DCDC1: variants seen among roughly 807,000 people sequenced by gnomAD.
DCDC1 encodes doublecortin domain-containing protein 1.
In DCDC1, 200 loss-of-function variants were observed where a neutral mutation model predicts 178.3. The ratio of observed to expected loss-of-function variants is 1.12; its 90% CI spans 1.00 to 1.26. The LOEUF is 1.26. Ranked by LOEUF, DCDC1 falls within the 50% of genes most tolerant of loss-of-function variation. The pLI, the probability that DCDC1 is intolerant of heterozygous loss-of-function variation, is 0.00. For missense variants in DCDC1, 1,983 were observed against 1,749.2 expected (o/e 1.13, Z -2.38); for synonymous variants, 690 against 604.8 (o/e 1.14, Z -2.07).
At chr11:31,070,924 T>C (rs147286731) in intron 18 of DCDC1, among the ~76,000 whole-genome samples, 27 of 152,312 alleles carry the variant, frequency 1.8e-4, no homozygotes, top group African/African-American at 6.0e-4. Context: ...AAACTCCAGA[T>C]ACTCTACCTA....
intron 20 of DCDC1, among the ~76,000 whole-genome samples, chr11:30,959,649 T>C (rs1948975412): frequency 6.6e-6 from 1 of 152,154 alleles, no homozygotes. Flanking sequence ...GGGCATGGGC[T>C]CTGGCTTCCC....
chr11:31,077,759 T>C (rs1215977663), intron 18 of DCDC1, 106 bp downstream of exon 18: 2 of 621,620 alleles, frequency 3.2e-6, no homozygotes, highest in East Asian at 2.8e-5. Flanking sequence ...TGAAGTCATA[T>C]ATGCAGAAAA....
chr11:30,899,607 A>C lies in DCDC1; in HGVS notation c.4699T>G (p.Trp1567Gly). 6.4e-7 allele frequency: 1 copy of C among 1,573,808 alleles called. No homozygotes were observed. Among genetic ancestry groups the C allele is most frequent in the Non-Finnish European group, 8.6e-7 (1 of 1,159,418 alleles). The change falls in exon 34 of 39, where the codon TGG becomes GGG. Residue 1567 changes from tryptophan (W) to glycine (G), a missense_variant. Physicochemically the swap from Trp to Gly is radical, Grantham distance 184. Transcript: ENST00000684477. ...GCCAAAATTCTGTCCTTTTTTAGCC[A>C]GTTCTGTTTCTCTAATTTTTCTGCT... ...QKAEKLEKQN[W>G]LKKDRILADL...
chr11:31,345,557 C>T (rs1237941774), intron 1 of DCDC1, among the ~76,000 whole-genome samples: 1 of 151,654 alleles, frequency 6.6e-6, no homozygotes, highest in Middle Eastern at 3.2e-3. Flanking sequence ...AAAGGTAATT[C>T]CACTGGCCAA....
Position 31,290,916 on chromosome 11 carries a change from A to G in DCDC1, c.755-64T>C, listed in dbSNP as rs533541855. 271 of 1,432,908 alleles carry G rather than the reference A, an allele frequency of 1.9e-4. 1 individual carries two copies. The South Asian group carries it at 3.4e-3, about 18-fold the overall frequency. The allele number at this position is 1,432,908 out of a possible 1,614,324, so 88.8% of individuals were successfully genotyped here. On this transcript the variant is annotated intron_variant, in intron 6 of 38. Transcript: ENST00000684477. ...TCAAAATTAAAAATGGACACATCATACTTCCCTCCCTCTATTACCTGTGTA... is the reference window on the plus strand; with the variant it reads ...TCAAAATTAAAAATGGACACATCATGCTTCCCTCCCTCTATTACCTGTGTA...
At chr11:30,982,661 C>G (rs189326540) in intron 20 of DCDC1, among the ~76,000 whole-genome samples, 1 of 149,838 alleles carries the variant, frequency 6.7e-6, no homozygotes, top group Non-Finnish European at 1.5e-5. Flanking sequence ...CAATTTTTCA[C>G]ATTAGATCGT....
At chr11:31,127,743 T>C in intron 10 of DCDC1, 104 bp from the exon 11 acceptor site, 1 of 629,508 alleles carries the variant, frequency 1.6e-6, no homozygotes, top group Non-Finnish European at 2.9e-6. Context: ...ATGACTTCAA[T>C]ACAGGAATTT....
At chr11:31,090,787 T>C (rs1436453398) in intron 17 of DCDC1, among the ~76,000 whole-genome samples, 2 of 152,158 alleles carry the variant, frequency 1.3e-5, no homozygotes, top group Non-Finnish European at 1.5e-5. Context: ...TGAGGTATGA[T>C]AGAAATTGTT....
chr11:31,224,966 G>C (rs1974740025), intron 9 of DCDC1, among the ~76,000 whole-genome samples: 2 of 152,106 alleles, frequency 1.3e-5, no homozygotes, highest in Admixed American at 6.6e-5. Flanking sequence ...TTAAAGAACT[G>C]AAAGTATAAA....
In DCDC1 at chr11:31,307,891, T is replaced by C. The variant is rs140783944; in HGVS notation, c.182A>G (p.Gln61Arg). ...AGTAGTTTTAATAACTGCTTTTGCC[T>C]GGGATGACATAAACTCTCTGGAAGA... ...NDLPREFMSS[Q>R]AKAVIKTTDD... Residue 61 changes from glutamine to arginine, a missense_variant, in exon 4 of 39, where the codon CAG (glutamine) becomes CGG (arginine). Gln to Arg is a conservative substitution (Grantham distance 43). Coordinates refer to ENST00000684477, the MANE Select transcript of DCDC1 (RefSeq NM_001387274.1). 11 of 1,613,940 alleles carry C rather than the reference T, an allele frequency of 6.8e-6. No individual in the cohort carries two copies. Among genetic ancestry groups the C allele is most frequent in the Non-Finnish European group, 9.3e-6 (11 of 1,179,952 alleles).
chr11:30,903,209 A>T (rs1293109802), intron 32 of DCDC1, among the ~76,000 whole-genome samples: 1 of 152,172 alleles, frequency 6.6e-6, no homozygotes, highest in Non-Finnish European at 1.5e-5. Context: ...TGTTCCATAA[A>T]GTAGCTGAAC....
At chr11:31,247,563 G>A (rs1467892554) in intron 8 of DCDC1, among the ~76,000 whole-genome samples, 3 of 151,776 alleles carry the variant, frequency 2.0e-5, no homozygotes, top group Non-Finnish European at 2.9e-5. Context: ...GAATCTAAAG[G>A]CGATATTCAA....
chr11:31,302,338 CAGA>C (rs1325529631), intron 6 of DCDC1, among the ~76,000 whole-genome samples: 1 of 152,078 alleles, frequency 6.6e-6, no homozygotes, highest in Non-Finnish European at 1.5e-5. Context: ...CACAATTAAG[CAGA>C]AGATTTAGGA....
At chr11:31,240,511 T>C (rs1329370811) in intron 9 of DCDC1, among the ~76,000 whole-genome samples, 2 of 152,026 alleles carry the variant, frequency 1.3e-5, no homozygotes, top group African/African-American at 4.8e-5. Flanking sequence ...CAGGAGGTGC[T>C]GTGTGAACAC....
At chr11:31,010,254 G>A (rs1297431066) in intron 20 of DCDC1, among the ~76,000 whole-genome samples, 1 of 152,190 alleles carries the variant, frequency 6.6e-6, no homozygotes, top group Non-Finnish European at 1.5e-5. Flanking sequence ...TGTTTCACAA[G>A]GCAGCAATCA....
chr11:31,001,943 T>C (rs1951603071), intron 20 of DCDC1, among the ~76,000 whole-genome samples: 2 of 152,232 alleles, frequency 1.3e-5, no homozygotes, highest in Admixed American at 1.3e-4. Context: ...GAATTTCCAG[T>C]GTCCTAAATA....
intron 7 of DCDC1, among the ~76,000 whole-genome samples, chr11:31,268,160 T>A (rs374095583): frequency 6.6e-6 from 1 of 152,224 alleles, no homozygotes; most frequent in East Asian, 1.9e-4. Flanking sequence ...TATTTAAAAG[T>A]ATAATGATGT....
At chr11:31,248,693 T>TAA (rs568369538) in intron 8 of DCDC1, among the ~76,000 whole-genome samples, 109 of 152,030 alleles carry the variant, frequency 7.2e-4, no homozygotes, top group Admixed American at 1.2e-3. Flanking sequence ...TGTGACAGAC[T>TAA]AAAAAAAGCC....
chr11:31,237,341 A>AT (rs1976583963), intron 9 of DCDC1, among the ~76,000 whole-genome samples: 2 of 152,076 alleles, frequency 1.3e-5, no homozygotes, highest in Admixed American at 6.6e-5. Context: ...TAATATGCCC[A>AT]CAAAATAAAT....
Sources: gnomAD v4.1 joint callset for allele counts (sites outside exome capture counted in the v4.1 genomes callset) on GRCh38, gnomAD v4.1.1 for gene constraint, MANE v1.5 for transcripts, NCBI Gene and HGNC (gene_info 2026-07-23, HGNC 2026-07-21) for gene names.